The following DAB1 variants were observed in gnomAD, a reference collection of about 807,000 sequenced individuals.
DAB1 encodes DAB adaptor protein 1, also known as disabled homolog 1.
A neutral mutation model predicts 64.6 loss-of-function variants in DAB1; 15 were observed. The observed-to-expected ratio is 0.23, with a 90% CI of 0.16 to 0.36. The LOEUF (loss-of-function observed/expected upper bound fraction) is 0.36, where lower values mean the gene tolerates loss of function less well. Ranked by LOEUF, DAB1 falls within the 10% of genes least tolerant of loss-of-function variation. The pLI, the probability that DAB1 is intolerant of heterozygous loss-of-function variation, is 1.00. For synonymous variants in DAB1, 235 were observed against 251.9 expected (o/e 0.93, Z 0.64); for missense variants, 596 against 706.7 (o/e 0.84, Z 1.78).
intron 7 of DAB1, among the ~76,000 whole-genome samples, chr1:57,628,269 A>G (rs1056213250): frequency 6.6e-6 from 1 of 152,230 alleles, no homozygotes; most frequent in Non-Finnish European, 1.5e-5. Context: ...AAGCATTTAT[A>G]AAGTGTAATA....
At chr1:57,397,658 C>A (rs374031216) in intron 1 of DAB1, among the ~76,000 whole-genome samples, 1 of 152,204 alleles carries the variant, frequency 6.6e-6, no homozygotes, top group Non-Finnish European at 1.5e-5. Flanking sequence ...AGGGCAGAGA[C>A]AGGAATTCAT....
chr1:57,658,454 C>G (rs554670409), intron 6 of DAB1, among the ~76,000 whole-genome samples: 6 of 151,340 alleles, frequency 4.0e-5, no homozygotes, highest in Non-Finnish European at 4.4e-5. Context: ...CAGGCGCCCA[C>G]CACCATGCCC....
chr1:58,028,159 A>C (rs1646921166), intron 5 of DAB1, among the ~76,000 whole-genome samples: 1 of 143,778 alleles, frequency 7.0e-6, no homozygotes. Flanking sequence ...ACAGTTGATT[A>C]TTATCTGCAG....
intron 2 of DAB1, among the ~76,000 whole-genome samples, chr1:57,268,335 C>T (rs1056260360): frequency 1.3e-5 from 2 of 152,158 alleles, no homozygotes; most frequent in African/African-American, 2.4e-5. Context: ...CAAAGGTTGC[C>T]GTGATATTTT....
chr1:57,866,916 A>G (rs1654327043), intron 1 of DAB1: 1 of 152,078 alleles, frequency 6.6e-6, no homozygotes, highest in African/African-American at 2.4e-5. Context: ...TCCTGGGCCA[A>G]GTTTATTTGA....
chr1:58,070,859 G>A (rs1649193923), intron 5 of DAB1, among the ~76,000 whole-genome samples: 1 of 152,184 alleles, frequency 6.6e-6, no homozygotes. Flanking sequence ...GCTGGTGTAG[G>A]AAGGCAGGCT....
chr1:57,328,684 A>T (rs139117772), intron 1 of DAB1, among the ~76,000 whole-genome samples: 2 of 152,192 alleles, frequency 1.3e-5, no homozygotes, highest in South Asian at 2.1e-4. Flanking sequence ...CCATGATTCA[A>T]TTCTAGGTCT....
chr1:58,391,341 C>G (rs1376900403), intron 3 of DAB1, among the ~76,000 whole-genome samples: 5 of 152,178 alleles, frequency 3.3e-5, no homozygotes, highest in East Asian at 1.9e-4. Flanking sequence ...TAGTACCATG[C>G]ACTGACCAGG....
intron 2 of DAB1, among the ~76,000 whole-genome samples, chr1:57,212,343 A>G (rs1374409298): frequency 6.7e-6 from 1 of 148,488 alleles, no homozygotes; most frequent in Non-Finnish European, 1.5e-5. Flanking sequence ...GTAATATTAC[A>G]TGTATATATT....
At chr1:57,694,930 A>G (rs61538041) in intron 6 of DAB1, among the ~76,000 whole-genome samples, 1,962 of 152,232 alleles carry the variant, frequency 0.013, 38 homozygotes, top group African/African-American at 0.045. Flanking sequence ...TTGGGCATAA[A>G]CTGTTATCAT....
intron 2 of DAB1, among the ~76,000 whole-genome samples, chr1:57,227,582 A>G (rs1667371109): frequency 6.8e-6 from 1 of 147,940 alleles, no homozygotes; most frequent in Non-Finnish European, 1.5e-5. Context: ...TTGAAATAAG[A>G]GTCTCCCTCT....
chr1:57,951,253 G>C (rs1402508018), intron 5 of DAB1, among the ~76,000 whole-genome samples: 2 of 145,414 alleles, frequency 1.4e-5, no homozygotes, highest in African/African-American at 5.1e-5. Flanking sequence ...TAGACATTGG[G>C]GGGTGAGGGG....
chr1:57,439,432 T>TTTTTTTTTG (rs1685840257), intron 7 of DAB1, among the ~76,000 whole-genome samples: 7 of 129,110 alleles, frequency 5.4e-5, no homozygotes, highest in Admixed American at 3.0e-4. Flanking sequence ...TTTCTTTTTT[T>TTTTTTTTTG]TTTTTTTTTT....
chr1:58,357,389 T>C (rs1200041101), intron 3 of DAB1, among the ~76,000 whole-genome samples: 1 of 152,114 alleles, frequency 6.6e-6, no homozygotes, highest in African/African-American at 2.4e-5. Flanking sequence ...TGGTGGGTGG[T>C]GGTGCCGTTT....
At chr1:57,420,847 C>G (rs979452157) in intron 1 of DAB1, among the ~76,000 whole-genome samples, 3 of 152,150 alleles carry the variant, frequency 2.0e-5, no homozygotes, top group African/African-American at 7.2e-5. Context: ...CTCAGTAAGT[C>G]CTAAATAACA....
chr1:57,485,612 G>A (rs1644080664), intron 7 of DAB1, among the ~76,000 whole-genome samples: 1 of 152,132 alleles, frequency 6.6e-6, no homozygotes, highest in South Asian at 2.1e-4. Flanking sequence ...TCAGATCTTT[G>A]CTCCTCTGTT....
intron 4 of DAB1, among the ~76,000 whole-genome samples, chr1:58,164,211 G>C (rs1415118922): frequency 1.9e-5 from 2 of 104,452 alleles, no homozygotes; most frequent in Non-Finnish European, 3.9e-5. Flanking sequence ...AAAAAAAAAA[G>C]ATGAGTGATC....
At chr1:58,180,818 G>T (rs1656750283) in intron 4 of DAB1, among the ~76,000 whole-genome samples, 1 of 152,028 alleles carries the variant, frequency 6.6e-6, no homozygotes, top group Non-Finnish European at 1.5e-5. Flanking sequence ...TGCGATACTG[G>T]TTTTGTTGGA....
At chr1:58,175,102 T>G (rs967852241) in intron 4 of DAB1, among the ~76,000 whole-genome samples, 2 of 152,244 alleles carry the variant, frequency 1.3e-5, no homozygotes, top group Non-Finnish European at 2.9e-5. Context: ...TCTTTCACTC[T>G]TCACAATAAA....
Sources: gnomAD v4.1 joint callset for allele counts (sites outside exome capture counted in the v4.1 genomes callset) on GRCh38, gnomAD v4.1.1 for gene constraint, MANE v1.5 for transcripts, NCBI Gene and HGNC (gene_info 2026-07-23, HGNC 2026-07-21) for gene names.